The following CSMD1 variants were observed in gnomAD, a reference collection of about 807,000 sequenced individuals.
CSMD1 encodes the protein CUB and sushi domain-containing protein 1.
In CSMD1, 213 loss-of-function variants were observed where a neutral mutation model predicts 417.5. The ratio of observed to expected loss-of-function variants is 0.51; its 90% CI spans 0.46 to 0.57. CSMD1 has a LOEUF of 0.57. CSMD1 is among the 20% of genes least tolerant of loss of function. CSMD1 has a pLI of 0.00. For synonymous variants in CSMD1, 2,862 were observed against 1,736.8 expected (o/e 1.65, Z -16.11); for missense variants, 6,923 against 4,529.7 (o/e 1.53, Z -15.17).
At chr8:4,513,281 C>T (rs1332164023) in intron 2 of CSMD1, among the ~76,000 whole-genome samples, 1 of 151,978 alleles carries the variant, frequency 6.6e-6, no homozygotes, top group Non-Finnish European at 1.5e-5. Flanking sequence ...TTTAACCTTC[C>T]CCTTAATTTG....
chr8:2,979,325 T>C (rs1805204624), intron 54 of CSMD1, among the ~76,000 whole-genome samples: 3 of 152,340 alleles, frequency 2.0e-5, no homozygotes, highest in Non-Finnish European at 1.5e-5. Flanking sequence ...GAAATGCAAA[T>C]CAAGCCAGCC....
At position 3,895,125 on chromosome 8, in the gene CSMD1, T is replaced by G. The variant is rs144938650; in HGVS notation, c.818+102778A>C. On this transcript the variant is annotated intron_variant, in intron 5 of 69. Transcript: ENST00000635120. Reference sequence around the variant, plus strand: ...TAACATATTGATTAAATGTGATTCATGAATCACCTAGACATTGGCTTTATC... The same window carrying G: ...TAACATATTGATTAAATGTGATTCAGGAATCACCTAGACATTGGCTTTATC... 1.9e-3 allele frequency among the ~76,000 whole-genome samples: 283 copies of G among 152,318 alleles called. 3 individuals carry two copies. The highest frequency in any genetic ancestry group is 6.4e-3 in the African/African-American group (267 of 41,574).
intron 50 of CSMD1, among the ~76,000 whole-genome samples, chr8:3,044,026 C>G (rs1040177612): frequency 6.6e-6 from 1 of 152,270 alleles, no homozygotes; most frequent in Admixed American, 6.5e-5. Flanking sequence ...CACTAAAATC[C>G]TCTTCCATTG....
intron 1 of CSMD1, among the ~76,000 whole-genome samples, chr8:4,748,438 A>G (rs925268642): frequency 7.9e-5 from 12 of 152,178 alleles, no homozygotes; most frequent in Non-Finnish European, 1.6e-4. Context: ...GCAGTATCAT[A>G]TTTATGACCC....
intron 2 of CSMD1, among the ~76,000 whole-genome samples, chr8:4,464,183 ACT>A (rs1307626512): frequency 6.6e-6 from 1 of 152,074 alleles, no homozygotes; most frequent in Non-Finnish European, 1.5e-5. Context: ...CACTTACAGG[ACT>A]CTAATTTAGC....
chr8:3,417,983 A>G (rs1460647111), intron 12 of CSMD1, among the ~76,000 whole-genome samples: 4 of 152,228 alleles, frequency 2.6e-5, no homozygotes, highest in African/African-American at 7.2e-5. Flanking sequence ...CATCAGTGAC[A>G]TAAGCCCAGA....
At chr8:3,910,766 G>T (rs1032248909) in intron 5 of CSMD1, among the ~76,000 whole-genome samples, 2 of 152,130 alleles carry the variant, frequency 1.3e-5, no homozygotes, top group African/African-American at 4.8e-5. Context: ...AGATTGTAGT[G>T]CCTTCTCTCC....
At chr8:4,212,510 G>C (rs1006560637) in intron 3 of CSMD1, among the ~76,000 whole-genome samples, 2 of 151,840 alleles carry the variant, frequency 1.3e-5, no homozygotes, top group East Asian at 3.9e-4. Flanking sequence ...AGCTTATTTA[G>C]ATTAGACATT....
At chr8:3,756,767 T>A (rs1363842993) in intron 5 of CSMD1, among the ~76,000 whole-genome samples, 1 of 152,068 alleles carries the variant, frequency 6.6e-6, no homozygotes, top group South Asian at 2.1e-4. Context: ...GCATTACTTA[T>A]GAACGGTTCT....
intron 1 of CSMD1, among the ~76,000 whole-genome samples, chr8:4,977,649 A>G (rs1299698276): frequency 6.6e-6 from 1 of 152,142 alleles, no homozygotes; most frequent in Non-Finnish European, 1.5e-5. Context: ...CCACGTGCAG[A>G]CCCAGATGCC....
At chr8:3,495,989 G>A (rs1278464364) in intron 10 of CSMD1, among the ~76,000 whole-genome samples, 2 of 152,112 alleles carry the variant, frequency 1.3e-5, no homozygotes. Context: ...GTGGTTTGCT[G>A]CACCTGTCAA....
intron 49 of CSMD1, among the ~76,000 whole-genome samples, chr8:3,069,776 ACT>A (rs1280833056): frequency 2.0e-5 from 3 of 151,966 alleles, no homozygotes; most frequent in Admixed American, 2.0e-4. Flanking sequence ...CCCATTGGAG[ACT>A]CTGCATGGGG....
intron 5 of CSMD1, among the ~76,000 whole-genome samples, chr8:3,837,639 T>C (rs976710035): frequency 6.6e-6 from 1 of 152,162 alleles, no homozygotes; most frequent in South Asian, 2.1e-4. Flanking sequence ...TTTCTGCGGA[T>C]TGTAAGAAAA....
intron 3 of CSMD1, among the ~76,000 whole-genome samples, chr8:4,199,933 G>A (rs1243234303): frequency 6.6e-6 from 1 of 152,036 alleles, no homozygotes; most frequent in Non-Finnish European, 1.5e-5. Flanking sequence ...ACGGTTACAA[G>A]GAGTTTCAAC....
chr8:3,905,420 G>T, intron 5 of CSMD1, among the ~76,000 whole-genome samples: 1 of 152,144 alleles, frequency 6.6e-6, no homozygotes, highest in East Asian at 1.9e-4. Flanking sequence ...AACCAGGCAG[G>T]TGGCGTCAAG....
intron 40 of CSMD1, among the ~76,000 whole-genome samples, chr8:3,145,660 G>T (rs1818798717): frequency 6.6e-6 from 1 of 152,168 alleles, no homozygotes; most frequent in Admixed American, 6.5e-5. Context: ...GCTTAAAATA[G>T]AATTATCTAG....
intron 5 of CSMD1, among the ~76,000 whole-genome samples, chr8:3,794,010 C>T (rs1222685243): frequency 6.6e-6 from 1 of 152,110 alleles, no homozygotes; most frequent in Non-Finnish European, 1.5e-5. Context: ...CTGCTTATCC[C>T]ACGCGTAGAC....
At chr8:4,130,342 C>T (rs1803023855) in intron 3 of CSMD1, among the ~76,000 whole-genome samples, 1 of 152,078 alleles carries the variant, frequency 6.6e-6, no homozygotes, top group African/African-American at 2.4e-5. Context: ...ATTCCAAAGA[C>T]CCCCAGTAAT....
intron 5 of CSMD1, among the ~76,000 whole-genome samples, chr8:3,825,436 G>C (rs1418911020): frequency 6.6e-6 from 1 of 152,130 alleles, no homozygotes; most frequent in African/African-American, 2.4e-5. Context: ...GGCTGAGGCA[G>C]TAGAATCGCT....
Sources: allele counts gnomAD v4.1 joint callset (sites outside exome capture counted in the v4.1 genomes callset), GRCh38; gene constraint gnomAD v4.1.1; transcripts MANE v1.5; gene names NCBI Gene and HGNC (gene_info 2026-07-23, HGNC 2026-07-21).